TMPRSS2: variants seen among roughly 807,000 people sequenced by gnomAD.
The protein encoded by TMPRSS2 is transmembrane protease serine 2.
TMPRSS2 carries 59 observed loss-of-function variants against 67.4 expected under a neutral mutation model. The observed-to-expected ratio is 0.88, with a 90% CI of 0.71 to 1.09. The LOEUF (loss-of-function observed/expected upper bound fraction) is 1.09, where lower values mean the gene tolerates loss of function less well. TMPRSS2 is among the 50% of genes least tolerant of loss of function. The pLI, the probability that TMPRSS2 is intolerant of heterozygous loss-of-function variation, is 0.00. For missense variants in TMPRSS2, 668 were observed against 642.7 expected (o/e 1.04, Z -0.43); for synonymous variants, 257 against 257.0 (o/e 1.00, Z 0.00).
At position 41,467,951 on chromosome 21, in the gene TMPRSS2, C is replaced by A. The variant is rs563633617; in HGVS notation, c.1315-65G>T. 56 of 1,598,416 alleles carry A rather than the reference C, an allele frequency of 3.5e-5. No individual in the cohort carries two copies. The African/African-American group carries it at 5.6e-4, about 16-fold the overall frequency. On this transcript the variant is annotated intron_variant, in intron 12 of 13. Coordinates refer to ENST00000332149, the MANE Select transcript of TMPRSS2 (RefSeq NM_005656.4). ...TCACAATCTGCCGCACACCACTGAC[C>A]AGGCCTAGAGGAGTTGGGGGGCGGG...
intron 3 of TMPRSS2, among the ~76,000 whole-genome samples, chr21:41,490,025 G>A (rs1006793321): frequency 6.6e-6 from 1 of 151,886 alleles, no homozygotes; most frequent in African/African-American, 2.4e-5. Flanking sequence ...GCAGGTGCCT[G>A]TAATCCTAGC....
intron 3 of TMPRSS2, among the ~76,000 whole-genome samples, chr21:41,490,451 A>C (rs770591939): frequency 1.3e-5 from 2 of 152,234 alleles, no homozygotes; most frequent in Non-Finnish European, 2.9e-5. Context: ...GTGCTCAGTC[A>C]TCATATGTGG....
At position 41,468,121 on chromosome 21, in the gene TMPRSS2, C is replaced by T. The variant is rs191394761; in HGVS notation, c.1315-235G>A. The stretch of plus-strand genomic sequence containing the variant: ...AGCTAAAAGTTACTAAATAAATTGC[C>T]GTTCATAATTTAAAATAGTCTAAAT... On this transcript the variant is annotated intron_variant, in intron 12 of 13. Coordinates refer to ENST00000332149, the MANE Select transcript of TMPRSS2 (RefSeq NM_005656.4). 1.9e-3 allele frequency: 1,166 copies of T among 611,178 alleles called. 8 individuals are homozygous for T. The highest frequency in any genetic ancestry group is 0.015 in the Middle Eastern group (35 of 2,284). The allele number at this position is 611,178 out of a possible 1,614,324, so 37.9% of individuals were successfully genotyped here.
chr21:41,468,422 G>A lies in TMPRSS2; in HGVS notation c.1288C>T (p.Leu430=), dbSNP rs759389629. ...ITPAMICAGF[L]QGNVDSCQGD... is the part of the protein sequence containing the mutation. Reference sequence around the variant, plus strand: ...TGGCAAGAATCGACGTTCCCCTGCAGGAAGCCGGCACAGATCATGGCTGGT... The same window carrying A: ...TGGCAAGAATCGACGTTCCCCTGCAAGAAGCCGGCACAGATCATGGCTGGT... The change falls in exon 12 of 14, where the codon CTG becomes TTG. Residue 430 remains leucine, a synonymous_variant. Coordinates refer to ENST00000332149, the MANE Select transcript of TMPRSS2 (RefSeq NM_005656.4). The A allele has an allele frequency of 2.5e-6, 4 of 1,614,146 alleles. No individual in the cohort carries two copies. In the Admixed American group the frequency reaches 6.7e-5, roughly 27 times the overall value.
At chr21:41,494,238 G>T (rs2091360328) in intron 3 of TMPRSS2, 118 bp downstream of exon 3, 7 of 1,085,844 alleles carry the variant, frequency 6.4e-6, no homozygotes, top group Non-Finnish European at 9.3e-6. Context: ...GGAAGACGGA[G>T]GAGAAGGGTC....
At chr21:41,508,020 G>T in intron 1 of TMPRSS2, 61 bp downstream of exon 1, 1 of 1,348,976 alleles carries the variant, frequency 7.4e-7, no homozygotes, top group Non-Finnish European at 9.5e-7. Context: ...GGTCCCAGGC[G>T]CCCAGGTTCC....
At chr21:41,498,262 T>G in intron 1 of TMPRSS2, 73 bp from the exon 2 acceptor site, 2 of 1,036,920 alleles carry the variant, frequency 1.9e-6, no homozygotes, top group Admixed American at 2.2e-5. Context: ...TGGAAAGAAC[T>G]AGAAGAATCT....
intron 3 of TMPRSS2, 121 bp downstream of exon 3, chr21:41,494,235 G>T (rs1454654915): frequency 3.8e-6 from 4 of 1,057,112 alleles, no homozygotes. Context: ...TCCGGAAGAC[G>T]GAGGAGAAGG....
At chr21:41,493,015 G>T (rs1053562289) in intron 3 of TMPRSS2, among the ~76,000 whole-genome samples, 1 of 152,130 alleles carries the variant, frequency 6.6e-6, no homozygotes. Flanking sequence ...CTTTGCTGTC[G>T]GGGGGCTGTC....
chr21:41,477,301 C>T (rs58978895), intron 7 of TMPRSS2, among the ~76,000 whole-genome samples: 7,784 of 152,210 alleles, frequency 0.051, 671 homozygotes, highest in African/African-American at 0.18. Context: ...GGGCAAGACA[C>T]AAGGAGCCTC....
intron 2 of TMPRSS2, 40 bp downstream of exon 2, chr21:41,498,079 A>G (rs760185974): frequency 3.7e-5 from 54 of 1,457,724 alleles, no homozygotes; most frequent in Non-Finnish European, 4.4e-5. Context: ...GGGACAAGGG[A>G]ACAAAGAAAA....
chr21:41,467,623 G>T, intron 13 of TMPRSS2, 111 bp downstream of exon 13: 2 of 1,327,576 alleles, frequency 1.5e-6, no homozygotes, highest in Non-Finnish European at 2.1e-6. Context: ...TTTGCTTCAT[G>T]CTGACCAGTG....
chr21:41,475,353 G>A (rs1219777296), intron 8 of TMPRSS2, among the ~76,000 whole-genome samples: 1 of 30,290 alleles, frequency 3.3e-5, no homozygotes, highest in African/African-American at 2.5e-4. Context: ...GAGTGAGGGC[G>A]TGAGGGGGTG....
rs761029216 is a variant in TMPRSS2, at chr21:41,476,572, C to T, written c.727+5G>A. On this transcript the variant is annotated splice_donor_5th_base_variant and intron_variant, in intron 8 of 13. Transcript: ENST00000332149. ...TATCAAAAGGGGGACTCCAGATGAACTTACCTATACAGCGTAAAGAAACCA... is the reference window on the plus strand; with the variant it reads ...TATCAAAAGGGGGACTCCAGATGAATTTACCTATACAGCGTAAAGAAACCA... 6.2e-7 allele frequency: 1 copy of T among 1,613,132 alleles called. No individual in the cohort carries two copies. Among genetic ancestry groups the T allele is most frequent in the Non-Finnish European group, 8.5e-7 (1 of 1,179,750 alleles).
intron 1 of TMPRSS2, 22 bp downstream of exon 1, chr21:41,508,059 C>T: frequency 7.8e-7 from 1 of 1,289,408 alleles, no homozygotes; most frequent in Non-Finnish European, 9.8e-7. Flanking sequence ...CGAGCCGGGA[C>T]CCTGGTACCG....
rs1601557051 is a variant in TMPRSS2 at position 41,465,438 on chromosome 21, C to T, written c.*704G>A. The T allele has an allele frequency of 1.7e-5, 4 of 233,472 alleles. No individual in the cohort carries two copies. The East Asian group carries it at 2.4e-4, about 14-fold the overall frequency. The allele number at this position is 233,472 out of a possible 1,614,324, so 14.5% of individuals were successfully genotyped here. A position where few individuals can be genotyped will look rare whatever the true frequency, so the allele number is the denominator to read the frequency against. ...TGAGGAGGAAGGCTGAGTCTCCCTC[C>T]CAGGAGCCCCACCCAATGTGCAGGT... On this transcript the variant is annotated 3_prime_UTR_variant, in exon 14 of 14. Transcript: ENST00000332149.
At chr21:41,496,732 C>T (rs1292489331) in intron 2 of TMPRSS2, among the ~76,000 whole-genome samples, 6 of 151,914 alleles carry the variant, frequency 3.9e-5, no homozygotes, top group African/African-American at 1.2e-4. Context: ...GTTGGCTGGG[C>T]CACTCTGGGA....
Position 41,473,497 on chromosome 21 carries a change from C to G in TMPRSS2, c.728-1G>C. 6.2e-7 allele frequency: 1 copy of G among 1,604,750 alleles called. No individual in the cohort carries two copies. Among genetic ancestry groups the G allele is most frequent in the Non-Finnish European group, 8.5e-7 (1 of 1,175,420 alleles). On this transcript the variant is annotated splice_acceptor_variant, in intron 8 of 13. Coordinates refer to ENST00000332149, the MANE Select transcript of TMPRSS2 (RefSeq NM_005656.4). LOFTEE classifies it high-confidence loss of function. ...CTTGAGTTCAAGTTGACCCCGCAGG[C>G]TGAGGATGACAAACAGGAGGCCAGT...
In TMPRSS2 at chr21:41,508,111, C is replaced by T. The variant is rs1385883474; in HGVS notation, c.-87G>A. 2.6e-6 allele frequency: 3 copies of T among 1,139,332 alleles called. No homozygotes were observed. The highest frequency in any genetic ancestry group is 3.4e-6 in the Non-Finnish European group (3 of 882,098). 70.6% of individuals were successfully genotyped at this position (1,139,332 alleles called of 1,614,324 possible). On this transcript the variant is annotated 5_prime_UTR_variant, in exon 1 of 14. Transcript: ENST00000332149. Reference sequence around the variant, plus strand: ...GCGCTCCAGGCGGCGCTCCCCGCCCCTCGCCCTCCGCCTCCGCCTCCGCCT... The same window carrying T: ...GCGCTCCAGGCGGCGCTCCCCGCCCTTCGCCCTCCGCCTCCGCCTCCGCCT...
Sources: gnomAD v4.1 joint callset for allele counts (sites outside exome capture counted in the v4.1 genomes callset) on GRCh38, gnomAD v4.1.1 for gene constraint, MANE v1.5 for transcripts, NCBI Gene and HGNC (gene_info 2026-07-23, HGNC 2026-07-21) for gene names.